The following JAKMIP1 variants were observed in gnomAD, a reference collection of about 807,000 sequenced individuals.
The protein encoded by JAKMIP1 is janus kinase and microtubule interacting protein 1.
A neutral mutation model predicts 113.0 loss-of-function variants in JAKMIP1; 33 were observed. That is an observed-to-expected ratio of 0.29 (90% CI 0.22 to 0.39). The LOEUF (loss-of-function observed/expected upper bound fraction) is 0.39. Ranked by LOEUF, JAKMIP1 falls within the 10% of genes least tolerant of loss-of-function variation. The probability of loss-of-function intolerance (pLI) is 1.00; values close to 1 mark genes in which losing one functional copy is unlikely to be tolerated. For synonymous variants in JAKMIP1, 480 were observed against 459.9 expected, an observed-to-expected ratio of 1.04 and a Z score of -0.56; for missense variants, 813 against 1,080.5, an observed-to-expected ratio of 0.75 and a Z score of 3.47.
At chr4:6,147,376 GC>G (rs1313496202) in intron 1 of JAKMIP1, among the ~76,000 whole-genome samples, 2 of 152,178 alleles carry the variant, frequency 1.3e-5, no homozygotes, top group Non-Finnish European at 2.9e-5. Flanking sequence ...GGCTGTCCAT[GC>G]AGAACACATC....
intron 2 of JAKMIP1, among the ~76,000 whole-genome samples, chr4:6,109,645 C>G (rs945104485): frequency 3.9e-5 from 6 of 152,116 alleles, no homozygotes; most frequent in East Asian, 1.9e-4. Context: ...CCAAACACTT[C>G]TCACTCAGCC....
chr4:6,100,759 G>A (rs944355552), intron 3 of JAKMIP1, among the ~76,000 whole-genome samples: 3 of 151,920 alleles, frequency 2.0e-5, no homozygotes, highest in African/African-American at 7.3e-5. Context: ...TTTTTTAATA[G>A]TCATTCTAGT....
chr4:6,079,973 T>C (rs868541071), intron 7 of JAKMIP1, among the ~76,000 whole-genome samples, 199 bp downstream of exon 7: 69 of 152,330 alleles, frequency 4.5e-4, no homozygotes, highest in African/African-American at 1.7e-3. Context: ...AGTGATCTCA[T>C]TTAAGCCAAG....
In JAKMIP1 at chr4:6,085,482, T is replaced by C; in HGVS notation, c.772A>G (p.Ser258Gly). The change falls in exon 4 of 21, where the codon AGT becomes GGT. Residue 258 changes from serine to glycine, a missense_variant. By Grantham distance (56) the Ser-to-Gly change is moderately conservative. Transcript: ENST00000409021. Reference protein sequence around the residue: ...VQVKEAERHHSSPKRELPPGI... With the variant: ...VQVKEAERHHGSPKRELPPGI... ...GGCGGGAGCTCTCTCTTTGGACTACTGTGGTGCCGCTCGGCCTCCTTGACC... is the reference window on the plus strand; with the variant it reads ...GGCGGGAGCTCTCTCTTTGGACTACCGTGGTGCCGCTCGGCCTCCTTGACC... 6.2e-7 allele frequency: 1 copy of C among 1,614,158 alleles called. No individual in the cohort carries two copies. Among genetic ancestry groups the C allele is most frequent in the South Asian group, 1.1e-5 (1 of 91,082 alleles).
rs1360600700 is a variant in JAKMIP1 at position 6,193,976 on chromosome 4, C to G, written c.-148+6277G>C. On this transcript the variant is annotated intron_variant, in intron 1 of 20. Coordinates refer to ENST00000409021, the MANE Select transcript of JAKMIP1 (RefSeq NM_001099433.2). This position sits in a 1 kb window ranked among gnomAD's most constrained non-coding sequence, Gnocchi z 6.4. ...TACTCCGCCATGAAGAAGAAGGAAG[C>G]AATGACACTTGATGACACTTGCTAT... Among the ~76,000 whole-genome samples the G allele has an allele frequency of 1.3e-5, 2 of 152,186 alleles. No homozygotes were observed. The highest frequency in any genetic ancestry group is 2.9e-5 in the Non-Finnish European group (2 of 68,032).
intron 3 of JAKMIP1, among the ~76,000 whole-genome samples, chr4:6,099,468 C>T (rs563604759): frequency 4.6e-5 from 7 of 152,354 alleles, no homozygotes; most frequent in South Asian, 2.1e-4. Context: ...AAGGACTGTG[C>T]GAGAGCACAG....
chr4:6,034,138 T>C (rs1253252423), intron 19 of JAKMIP1, among the ~76,000 whole-genome samples: 1 of 152,116 alleles, frequency 6.6e-6, no homozygotes, highest in African/African-American at 2.4e-5. Context: ...GGTTTCTCTG[T>C]AAAATCCTAT....
At chr4:6,091,872 G>T (rs893977382) in intron 3 of JAKMIP1, among the ~76,000 whole-genome samples, 3 of 152,122 alleles carry the variant, frequency 2.0e-5, no homozygotes, top group African/African-American at 7.2e-5. Flanking sequence ...GACTTTAAAA[G>T]GGTGCCTTGT....
At chr4:6,066,608 G>A (rs1405835447) in intron 8 of JAKMIP1, among the ~76,000 whole-genome samples, 1 of 152,078 alleles carries the variant, frequency 6.6e-6, no homozygotes, top group Non-Finnish European at 1.5e-5. Flanking sequence ...AGCAGCTCAT[G>A]CTTCAGTTGC....
intron 1 of JAKMIP1, among the ~76,000 whole-genome samples, chr4:6,191,913 T>TTTTATTTCTTTA (rs1727298941): frequency 7.1e-6 from 1 of 141,054 alleles, no homozygotes; most frequent in Non-Finnish European, 1.5e-5. Flanking sequence ...CAGGAGTGCA[T>TTTTATTTCTTTA]TTTATTTATT....
intron 1 of JAKMIP1, among the ~76,000 whole-genome samples, chr4:6,120,600 A>G (rs777672141): frequency 1.3e-5 from 2 of 152,220 alleles, no homozygotes; most frequent in South Asian, 2.1e-4. Context: ...GAGATGGGGA[A>G]TGTGCTTCTC....
At chr4:6,075,119 A>G (rs916330378) in intron 8 of JAKMIP1, among the ~76,000 whole-genome samples, 1 of 152,262 alleles carries the variant, frequency 6.6e-6, no homozygotes, top group Non-Finnish European at 1.5e-5. Flanking sequence ...CAGTGAGCCA[A>G]GAGCGTGCCA....
chr4:6,126,168 G>T (rs1468001297), intron 1 of JAKMIP1, among the ~76,000 whole-genome samples: 1 of 74,284 alleles, frequency 1.3e-5, no homozygotes. Flanking sequence ...ACACACACAT[G>T]CAAACGCACA....
chr4:6,170,545 TCCATCA>T (rs1215475963), intron 1 of JAKMIP1, among the ~76,000 whole-genome samples: 65 of 119,322 alleles, frequency 5.4e-4, no homozygotes, highest in Middle Eastern at 7.4e-3. Context: ...CACCACCACC[TCCATCA>T]CCATCACCAC....
In JAKMIP1 at chr4:6,138,217, CA is replaced by C. The variant is rs1719544753; in HGVS notation, c.-147-25221del. On this transcript the variant is annotated intron_variant, in intron 1 of 20. Coordinates refer to ENST00000409021, the MANE Select transcript of JAKMIP1 (RefSeq NM_001099433.2). The surrounding 1 kb of genome is among the most constrained non-coding windows in gnomAD (Gnocchi z 6.0). The stretch of plus-strand genomic sequence containing the variant: ...AACACAGATGAAAGCTGGGGTACCC[CA>C]GAACCCAAGTTAATTTAATTTTTAT... Among the ~76,000 whole-genome samples, 1 of 152,162 alleles carries C rather than the reference CA, an allele frequency of 6.6e-6. No homozygotes were observed. Among genetic ancestry groups the C allele is most frequent in the African/African-American group, 2.4e-5 (1 of 41,444 alleles).
Position 6,105,886 on chromosome 4 carries a change from C to G in JAKMIP1, c.211G>C (p.Glu71Gln). 6.2e-7 allele frequency: 1 copy of G among 1,612,100 alleles called. No homozygotes were observed. Among genetic ancestry groups the G allele is most frequent in the South Asian group, 1.1e-5 (1 of 91,086 alleles). The change falls in exon 3 of 21, where the codon GAG becomes CAG. Residue 71 changes from glutamate to glutamine, a missense_variant. Physicochemically the swap from Glu to Gln is conservative, Grantham distance 29. Coordinates refer to ENST00000409021, the MANE Select transcript of JAKMIP1 (RefSeq NM_001099433.2). ...TCCTCATGCAGCTTGGCCTTGAGCTCCGAAATGTAGGCCGTGTGCCGTCGC... is the reference window on the plus strand; with the variant it reads ...TCCTCATGCAGCTTGGCCTTGAGCTGCGAAATGTAGGCCGTGTGCCGTCGC... ...EQRRHTAYIS[E>Q]LKAKLHEEKT... is the part of the protein sequence containing the mutation.
intron 11 of JAKMIP1, among the ~76,000 whole-genome samples, chr4:6,058,668 C>T (rs1002245335): frequency 2.6e-5 from 4 of 152,214 alleles, no homozygotes; most frequent in African/African-American, 9.6e-5. Context: ...GAATAAATAT[C>T]CCTGCTTTTC....
chr4:6,164,590 A>G (rs6823864), intron 1 of JAKMIP1, among the ~76,000 whole-genome samples: 6,355 of 152,302 alleles, frequency 0.042, 295 homozygotes, highest in African/African-American at 0.11. Context: ...GATTCCTCTG[A>G]TGTATCTGAG....
intron 2 of JAKMIP1, among the ~76,000 whole-genome samples, chr4:6,109,365 C>T (rs1008449534): frequency 4.6e-5 from 7 of 151,928 alleles, no homozygotes; most frequent in Middle Eastern, 3.4e-3. Flanking sequence ...GATCTCCTGA[C>T]CTCATTATCC....
Sources: gnomAD v4.1 joint callset for allele counts (sites outside exome capture counted in the v4.1 genomes callset) on GRCh38, gnomAD v4.1.1 for gene constraint, Gnocchi (gnomAD v3.1) non-coding constraint, MANE v1.5 for transcripts, NCBI Gene and HGNC (gene_info 2026-07-23, HGNC 2026-07-21) for gene names.